STK24: variants seen among roughly 807,000 people sequenced by gnomAD.
STK24 encodes serine/threonine-protein kinase 24.
Under a neutral mutation model 55.6 loss-of-function variants are expected in STK24, and 21 were observed. That is an observed-to-expected ratio of 0.38 (90% confidence interval 0.27 to 0.54). STK24 has a LOEUF of 0.54. Among genes scored for constraint, STK24 ranks in the 20% least tolerant of loss-of-function variants. The pLI, the probability that STK24 is intolerant of heterozygous loss-of-function variation, is 0.79. For synonymous variants in STK24, 200 were observed against 215.2 expected, an observed-to-expected ratio of 0.93 and a Z score of 0.62; for missense variants, 383 against 538.4, an observed-to-expected ratio of 0.71 and a Z score of 2.86.
chr13:98,478,680 T>G (rs1160203530), intron 3 of STK24, among the ~76,000 whole-genome samples: 2 of 152,218 alleles, frequency 1.3e-5, no homozygotes, highest in East Asian at 3.8e-4. Flanking sequence ...TCTCATTTCT[T>G]AAAACCCATG....
chr13:98,539,428 T>C (rs965496089), intron 1 of STK24, among the ~76,000 whole-genome samples: 1 of 152,332 alleles, frequency 6.6e-6, no homozygotes, highest in East Asian at 1.9e-4. Context: ...TTATCTTCAG[T>C]GCTCTCACAG....
chr13:98,568,856 G>A (rs573110691), intron 1 of STK24, among the ~76,000 whole-genome samples: 7 of 152,212 alleles, frequency 4.6e-5, no homozygotes, highest in South Asian at 4.1e-4. Context: ...GTGACAGAGC[G>A]AGACTCCATC....
intron 2 of STK24, among the ~76,000 whole-genome samples, chr13:98,502,086 G>A (rs567634266): frequency 7.9e-5 from 12 of 152,218 alleles, no homozygotes; most frequent in Admixed American, 4.6e-4. Flanking sequence ...CCCAACCCTG[G>A]CCTCTTGGCC....
At chr13:98,575,822 C>T (rs1465036470) in intron 1 of STK24, among the ~76,000 whole-genome samples, 1 of 152,158 alleles carries the variant, frequency 6.6e-6, no homozygotes, top group South Asian at 2.1e-4. Flanking sequence ...TCTGCGCCTA[C>T]AAAGTTTACA....
At chr13:98,471,470 T>C (rs1021552563) in intron 5 of STK24, among the ~76,000 whole-genome samples, 4 of 152,176 alleles carry the variant, frequency 2.6e-5, no homozygotes, top group African/African-American at 9.7e-5. Flanking sequence ...CAGAGGTATC[T>C]CCCTTAGCAC....
intron 2 of STK24, among the ~76,000 whole-genome samples, chr13:98,511,530 C>A (rs1411537732): frequency 6.6e-6 from 1 of 152,206 alleles, no homozygotes; most frequent in East Asian, 1.9e-4. Context: ...TTCATAATCA[C>A]CAAATTCTGG....
chr13:98,502,272 A>C (rs1279693202), intron 2 of STK24, among the ~76,000 whole-genome samples: 2 of 152,208 alleles, frequency 1.3e-5, no homozygotes, highest in Non-Finnish European at 2.9e-5. Context: ...TCCTGGCCCG[A>C]AGCAGAGCAG....
chr13:98,469,247 C>T (rs1392739294), intron 5 of STK24, among the ~76,000 whole-genome samples: 1 of 152,214 alleles, frequency 6.6e-6, no homozygotes, highest in Admixed American at 6.5e-5. Flanking sequence ...CAGTACAGCA[C>T]CATCAAGAAC....
intron 2 of STK24, among the ~76,000 whole-genome samples, chr13:98,502,821 A>G (rs34979147): frequency 0.26 from 38,869 of 152,038 alleles, 5,156 homozygotes; most frequent in Non-Finnish European, 0.3. Context: ...ATAACAACAG[A>G]AAGCTAAGAC....
intron 1 of STK24, among the ~76,000 whole-genome samples, chr13:98,560,053 A>G (rs1239392313): frequency 6.6e-6 from 1 of 152,168 alleles, no homozygotes; most frequent in Non-Finnish European, 1.5e-5. Flanking sequence ...TCAAAATCCA[A>G]AAGTCTCCGA....
At chr13:98,546,404 C>CT (rs1262119973) in intron 1 of STK24, among the ~76,000 whole-genome samples, 1 of 152,108 alleles carries the variant, frequency 6.6e-6, no homozygotes, top group African/African-American at 2.4e-5. Context: ...CTTTAAAAGC[C>CT]TTTTTTATAA....
chr13:98,570,981 G>A (rs1348635759), intron 1 of STK24, among the ~76,000 whole-genome samples: 1 of 152,154 alleles, frequency 6.6e-6, no homozygotes, highest in Non-Finnish European at 1.5e-5. Context: ...ATAATCAGCT[G>A]AGCTAAGGCA....
intron 2 of STK24, among the ~76,000 whole-genome samples, chr13:98,507,022 C>T (rs751879625): frequency 3.3e-5 from 5 of 152,198 alleles, no homozygotes; most frequent in East Asian, 3.8e-4. Flanking sequence ...GTGCAAAGGA[C>T]GGTGCTGGCC....
intron 2 of STK24, among the ~76,000 whole-genome samples, chr13:98,510,220 A>G (rs1895836272): frequency 6.6e-6 from 1 of 152,204 alleles, no homozygotes; most frequent in Non-Finnish European, 1.5e-5. Context: ...CGTCAGTATA[A>G]ACAAGTTTCC....
chr13:98,522,510 G>A (rs1331005243), intron 1 of STK24, among the ~76,000 whole-genome samples: 1 of 152,206 alleles, frequency 6.6e-6, no homozygotes, highest in Non-Finnish European at 1.5e-5. Context: ...GTACATGACA[G>A]CTTTCAAAGC....
intron 1 of STK24, among the ~76,000 whole-genome samples, chr13:98,534,045 C>A (rs1896646853): frequency 6.6e-6 from 1 of 152,228 alleles, no homozygotes; most frequent in South Asian, 2.1e-4. Flanking sequence ...TAGCGGGCAC[C>A]CCGCTTGGTC....
intron 5 of STK24, among the ~76,000 whole-genome samples, chr13:98,474,420 T>C (rs1416621700): frequency 6.6e-6 from 1 of 152,124 alleles, no homozygotes; most frequent in Non-Finnish European, 1.5e-5. Flanking sequence ...CCCTTCAAGG[T>C]TGCCGATTCC....
At chr13:98,475,131 C>A in intron 4 of STK24, 119 bp downstream of exon 4, 6 of 1,406,826 alleles carry the variant, frequency 4.3e-6, no homozygotes, top group Non-Finnish European at 5.7e-6. Flanking sequence ...GCCAGCCCAG[C>A]CCAGGCAAGG....
intron 2 of STK24, among the ~76,000 whole-genome samples, chr13:98,491,326 G>C (rs1696950432): frequency 1.3e-5 from 2 of 152,210 alleles, no homozygotes; most frequent in African/African-American, 4.8e-5. Flanking sequence ...TTAGGAAAAG[G>C]AGCGGGGAGG....
Sources: gnomAD v4.1 joint callset for allele counts (sites outside exome capture counted in the v4.1 genomes callset) on GRCh38, gnomAD v4.1.1 for gene constraint, MANE v1.5 for transcripts, NCBI Gene and HGNC (gene_info 2026-07-23, HGNC 2026-07-21) for gene names.